The following TTC1 variants were observed in gnomAD, a reference collection of about 807,000 sequenced individuals.
TTC1 encodes tetratricopeptide repeat protein 1.
A neutral mutation model predicts 37.6 loss-of-function variants in TTC1; 31 were observed. The ratio of observed to expected loss-of-function variants is 0.82; its 90% CI spans 0.62 to 1.11. TTC1 has a LOEUF of 1.11. Among genes scored for constraint, TTC1 ranks in the 50% most tolerant of loss-of-function variants. The probability of loss-of-function intolerance (pLI) is 0.00; values close to 1 mark genes in which losing one functional copy is unlikely to be tolerated. For synonymous variants in TTC1, 127 were observed against 122.4 expected, an observed-to-expected ratio of 1.04 and a Z score of -0.25; for missense variants, 351 against 339.0, an observed-to-expected ratio of 1.04 and a Z score of -0.28.
intron 7 of TTC1, among the ~76,000 whole-genome samples, chr5:160,062,844 C>G (rs911975627): frequency 6.6e-6 from 1 of 152,038 alleles, no homozygotes; most frequent in African/African-American, 2.4e-5. Context: ...TTTTTCCAAC[C>G]CCAGAACAAA....
At position 160,034,883 on chromosome 5, in the gene TTC1, T is replaced by C. The variant is rs80293289; in HGVS notation, c.331-257T>C. Among the ~76,000 whole-genome samples, 726 of 152,318 alleles carry C rather than the reference T, an allele frequency of 4.8e-3. 9 individuals are homozygous for C. The highest frequency in any genetic ancestry group is 0.016 in the African/African-American group (677 of 41,566). On this transcript the variant is annotated intron_variant, in intron 2 of 7. Transcript: ENST00000231238. ...GTAATTATCATTCCATTGCAAAAGA[T>C]AGAAACATAGAAAGCAAAGGACATG...
intron 5 of TTC1, 56 bp downstream of exon 5, chr5:160,043,225 A>T: frequency 6.2e-7 from 1 of 1,602,438 alleles, no homozygotes; most frequent in Admixed American, 1.7e-5. Context: ...TGTCAGACAG[A>T]GGGGCTTTGG....
intron 4 of TTC1, 79 bp from the exon 5 acceptor site, chr5:160,043,054 G>T: frequency 7.0e-7 from 1 of 1,419,518 alleles, no homozygotes; most frequent in South Asian, 1.3e-5. Flanking sequence ...AGTTATTAGT[G>T]ATCAGATCAT....
chr5:160,054,619 AAAAAG>A (rs1254426544), intron 7 of TTC1, among the ~76,000 whole-genome samples: 18 of 152,210 alleles, frequency 1.2e-4, no homozygotes, highest in Admixed American at 3.9e-4. Flanking sequence ...AAAAGAAAGA[AAAAAG>A]AAAAGAAAAA....
At chr5:160,063,984 T>TTTTTTTTTG (rs1482966350) in intron 7 of TTC1, among the ~76,000 whole-genome samples, 1 of 149,758 alleles carries the variant, frequency 6.7e-6, no homozygotes. Flanking sequence ...TTTTTTTTTT[T>TTTTTTTTTG]TTGAGACGGA....
chr5:160,042,352 C>T (rs1310387840), intron 4 of TTC1, among the ~76,000 whole-genome samples: 3 of 152,156 alleles, frequency 2.0e-5, no homozygotes, highest in Admixed American at 2.0e-4. Flanking sequence ...ATTTGAAATA[C>T]CTTATTTCTG....
chr5:160,050,246 G>A (rs879874841), intron 6 of TTC1, among the ~76,000 whole-genome samples: 2 of 152,152 alleles, frequency 1.3e-5, no homozygotes, highest in Admixed American at 6.5e-5. Flanking sequence ...TCGGGAGTTC[G>A]AGACCAGCCT....
chr5:160,017,000 T>C (rs192571698), intron 2 of TTC1, among the ~76,000 whole-genome samples: 2 of 152,322 alleles, frequency 1.3e-5, no homozygotes, highest in African/African-American at 4.8e-5. Context: ...TCAGAGAGTA[T>C]AGTGTATTCG....
intron 2 of TTC1, among the ~76,000 whole-genome samples, chr5:160,018,491 A>G (rs1756645013): frequency 6.6e-6 from 1 of 152,210 alleles, no homozygotes; most frequent in African/African-American, 2.4e-5. Flanking sequence ...GAGCAGTTGA[A>G]TAAAGCCCTA....
chr5:160,060,498 A>C (rs998713463), intron 7 of TTC1, among the ~76,000 whole-genome samples: 3 of 152,354 alleles, frequency 2.0e-5, no homozygotes, highest in East Asian at 3.9e-4. Flanking sequence ...ACATGTGGAC[A>C]TATTCAGGCT....
At chr5:160,017,699 A>G (rs187701723) in intron 2 of TTC1, among the ~76,000 whole-genome samples, 1 of 152,334 alleles carries the variant, frequency 6.6e-6, no homozygotes, top group Admixed American at 6.5e-5. Context: ...GGTAATTCAT[A>G]TGCACATGCT....
chr5:160,040,024 C>T (rs980198098), intron 4 of TTC1, among the ~76,000 whole-genome samples: 3 of 152,104 alleles, frequency 2.0e-5, no homozygotes, highest in Non-Finnish European at 2.9e-5. Flanking sequence ...GTGCAAACAT[C>T]ATAGAGTATA....
chr5:160,055,071 C>T (rs185707092), intron 7 of TTC1, among the ~76,000 whole-genome samples: 4 of 152,232 alleles, frequency 2.6e-5, no homozygotes, highest in African/African-American at 7.2e-5. Context: ...TTATGGCAGC[C>T]ATGCTGGGAG....
At chr5:160,063,827 A>C (rs1267365982) in intron 7 of TTC1, among the ~76,000 whole-genome samples, 1 of 152,100 alleles carries the variant, frequency 6.6e-6, no homozygotes, top group Non-Finnish European at 1.5e-5. Context: ...AAATTTGTAG[A>C]GATAGAGTCT....
At chr5:160,033,492 T>C (rs1043433141) in intron 2 of TTC1, among the ~76,000 whole-genome samples, 4 of 152,230 alleles carry the variant, frequency 2.6e-5, no homozygotes, top group African/African-American at 9.6e-5. Flanking sequence ...AGAGAAAGAA[T>C]GTTTTTATTT....
chr5:160,053,611 G>A (rs6556465), intron 7 of TTC1, among the ~76,000 whole-genome samples: 106,335 of 152,110 alleles, frequency 0.7, 37,398 homozygotes, highest in African/African-American at 0.79. Context: ...GCCTATGCCT[G>A]TAGCTTTTGT....
chr5:160,010,193 G>A (rs1225174008), intron 1 of TTC1, among the ~76,000 whole-genome samples: 1 of 150,638 alleles, frequency 6.6e-6, no homozygotes, highest in African/African-American at 2.5e-5. Context: ...GGACGGCAGA[G>A]GTTGCAGTGA....
At chr5:160,033,163 C>T (rs1756942758) in intron 2 of TTC1, among the ~76,000 whole-genome samples, 1 of 152,120 alleles carries the variant, frequency 6.6e-6, no homozygotes, top group Non-Finnish European at 1.5e-5. Flanking sequence ...CTAATCAATA[C>T]AGTAGAGATC....
intron 2 of TTC1, among the ~76,000 whole-genome samples, chr5:160,028,951 T>C (rs899859412): frequency 2.0e-5 from 3 of 152,174 alleles, no homozygotes; most frequent in African/African-American, 7.2e-5. Context: ...CAAGTTAACA[T>C]AACAATCATG....
Sources: gnomAD v4.1 joint callset for allele counts (sites outside exome capture counted in the v4.1 genomes callset) on GRCh38, gnomAD v4.1.1 for gene constraint, MANE v1.5 for transcripts, NCBI Gene and HGNC (gene_info 2026-07-23, HGNC 2026-07-21) for gene names.